ASAP1: variants seen among roughly 807,000 people sequenced by gnomAD.
ASAP1 encodes arf-GAP with SH3 domain, ANK repeat and PH domain-containing protein 1.
A neutral mutation model predicts 145.2 loss-of-function variants in ASAP1; 43 were observed. The observed-to-expected ratio is 0.30, with a 90% CI of 0.23 to 0.38. The LOEUF (loss-of-function observed/expected upper bound fraction) is 0.38, where lower values mean the gene tolerates loss of function less well. Among genes scored for constraint, ASAP1 ranks in the 10% least tolerant of loss-of-function variants. ASAP1 has a pLI of 1.00. For synonymous variants in ASAP1, 546 were observed against 515.5 expected (o/e 1.06, Z -0.80); for missense variants, 1,018 against 1,355.3 (o/e 0.75, Z 3.91).
chr8:130,186,893 T>C (rs1240258011), intron 7 of ASAP1, among the ~76,000 whole-genome samples: 2 of 152,214 alleles, frequency 1.3e-5, no homozygotes, highest in African/African-American at 4.8e-5. Flanking sequence ...CCAATTTTTA[T>C]ACTATACAGA....
At chr8:130,426,589 C>T (rs572809561) in intron 1 of ASAP1, among the ~76,000 whole-genome samples, 1 of 152,318 alleles carries the variant, frequency 6.6e-6, no homozygotes, top group South Asian at 2.1e-4. Flanking sequence ...TTACTCCACT[C>T]CAGCCACACT....
chr8:130,257,918 C>T (rs1332089248), intron 3 of ASAP1, among the ~76,000 whole-genome samples: 1 of 151,826 alleles, frequency 6.6e-6, no homozygotes, highest in Non-Finnish European at 1.5e-5. Context: ...AATGTGGGGC[C>T]CCAAATCCAA....
Position 130,072,791 on chromosome 8 carries a change from A to ATGTG in ASAP1, c.2701+3556_2701+3557insCACA, listed in dbSNP as rs1491261390. Among the ~76,000 whole-genome samples the ATGTG allele has an allele frequency of 4.2e-3, 381 of 91,204 alleles. 17 individuals carry two copies. The highest frequency in any genetic ancestry group is 0.017 in the Middle Eastern group (3 of 172). 59.8% of individuals were successfully genotyped at this position (91,204 alleles called of 152,430 possible). On this transcript the variant is annotated intron_variant, in intron 27 of 29. Coordinates refer to ENST00000518721, the MANE Select transcript of ASAP1 (RefSeq NM_018482.4). ...TTCTGAAGGCCTGGACTTGCAATTG[A>ATGTG]TATGTGTGTGTGTGTGTGTGTGTGT... is the stretch of plus-strand genomic sequence containing the variant.
chr8:130,403,289 AGT>A (rs1300695723), intron 1 of ASAP1, among the ~76,000 whole-genome samples: 2 of 133,350 alleles, frequency 1.5e-5, no homozygotes, highest in African/African-American at 6.3e-5. Context: ...GTCTTTAACA[AGT>A]GTTTTTTTTT....
intron 15 of ASAP1, among the ~76,000 whole-genome samples, chr8:130,133,052 G>C (rs1029445373): frequency 6.6e-6 from 1 of 151,954 alleles, no homozygotes; most frequent in African/African-American, 2.4e-5. Context: ...CCAGAAATAA[G>C]AGAGGAACAT....
intron 3 of ASAP1, among the ~76,000 whole-genome samples, chr8:130,355,927 C>A (rs1377085690): frequency 6.6e-6 from 1 of 152,088 alleles, no homozygotes; most frequent in Admixed American, 6.5e-5. Flanking sequence ...TTGTGCCATC[C>A]TGAAACATTG....
intron 3 of ASAP1, among the ~76,000 whole-genome samples, chr8:130,335,056 C>T (rs977707232): frequency 2.6e-5 from 4 of 152,192 alleles, no homozygotes; most frequent in Non-Finnish European, 5.9e-5. Context: ...GACGGATTAA[C>T]GATCACTGAT....
intron 7 of ASAP1, among the ~76,000 whole-genome samples, chr8:130,186,719 A>T (rs571780204): frequency 6.6e-6 from 1 of 152,284 alleles, no homozygotes; most frequent in East Asian, 1.9e-4. Flanking sequence ...GCCTTTCATG[A>T]GCCCCTTAGC....
intron 5 of ASAP1, among the ~76,000 whole-genome samples, chr8:130,199,196 C>A (rs1225056714): frequency 6.6e-6 from 1 of 152,178 alleles, no homozygotes; most frequent in East Asian, 1.9e-4. Flanking sequence ...CTGTCTAGAG[C>A]AAAGCTTCTT....
chr8:130,266,751 A>C (rs540506157), intron 3 of ASAP1, among the ~76,000 whole-genome samples: 54 of 152,306 alleles, frequency 3.5e-4, no homozygotes, highest in African/African-American at 1.3e-3. Flanking sequence ...CTAAATAGTA[A>C]AATAAAATGA....
chr8:130,088,474 A>G (rs544721682), intron 25 of ASAP1, among the ~76,000 whole-genome samples: 1 of 152,240 alleles, frequency 6.6e-6, no homozygotes, highest in South Asian at 2.1e-4. Context: ...GGCAGTTCTG[A>G]GAACACAGAG....
At chr8:130,133,844 A>G (rs1379366411) in intron 15 of ASAP1, among the ~76,000 whole-genome samples, 2 of 152,198 alleles carry the variant, frequency 1.3e-5, no homozygotes, top group Non-Finnish European at 2.9e-5. Flanking sequence ...TCCTCTTACA[A>G]TAATGGTCAA....
chr8:130,243,731 TTC>T (rs1366064040), intron 3 of ASAP1, among the ~76,000 whole-genome samples: 15 of 152,174 alleles, frequency 9.9e-5, no homozygotes, highest in African/African-American at 3.4e-4. Flanking sequence ...AGCTTGTACC[TTC>T]TCTCTTTTTT....
intron 13 of ASAP1, among the ~76,000 whole-genome samples, chr8:130,148,938 G>A (rs1346589484): frequency 2.6e-5 from 4 of 151,712 alleles, no homozygotes; most frequent in East Asian, 1.9e-4. Context: ...AGGTTCAAGC[G>A]ATCCTCCCAC....
intron 1 of ASAP1, among the ~76,000 whole-genome samples, chr8:130,426,841 A>G (rs1488607410): frequency 5.3e-5 from 8 of 152,038 alleles, no homozygotes; most frequent in Non-Finnish European, 1.0e-4. Context: ...TTCCATAAGG[A>G]CTATTTGTCG....
chr8:130,211,190 G>T (rs536603995), intron 5 of ASAP1, among the ~76,000 whole-genome samples: 1 of 152,290 alleles, frequency 6.6e-6, no homozygotes, highest in African/African-American at 2.4e-5. Context: ...TGTGGAGGAG[G>T]GGGGAGTAAG....
At chr8:130,251,900 G>C (rs528109475) in intron 3 of ASAP1, among the ~76,000 whole-genome samples, 3 of 152,246 alleles carry the variant, frequency 2.0e-5, no homozygotes, top group African/African-American at 7.2e-5. Context: ...AGGCTTTGGA[G>C]AAATGGCCAC....
intron 3 of ASAP1, among the ~76,000 whole-genome samples, chr8:130,355,735 A>T (rs1826265773): frequency 6.6e-6 from 1 of 152,214 alleles, no homozygotes; most frequent in South Asian, 2.1e-4. Flanking sequence ...GCATGGGGGA[A>T]AAATTAAAAT....
intron 1 of ASAP1, among the ~76,000 whole-genome samples, chr8:130,434,208 A>G (rs1830229531): frequency 1.3e-5 from 2 of 152,148 alleles, no homozygotes; most frequent in South Asian, 4.1e-4. Flanking sequence ...CCCAGCTATT[A>G]GGGAGGCTGA....
Sources: gnomAD v4.1 joint callset for allele counts (sites outside exome capture counted in the v4.1 genomes callset) on GRCh38, gnomAD v4.1.1 for gene constraint, MANE v1.5 for transcripts, NCBI Gene and HGNC (gene_info 2026-07-23, HGNC 2026-07-21) for gene names.